The following COLQ variants were observed in gnomAD, a reference collection of about 807,000 sequenced individuals.
COLQ encodes the protein collagen like tail subunit of asymmetric acetylcholinesterase.
In COLQ, 48 loss-of-function variants were observed where a neutral mutation model predicts 69.0. That is an observed-to-expected ratio of 0.70 (90% confidence interval 0.55 to 0.88). The LOEUF (loss-of-function observed/expected upper bound fraction) is 0.88. Among genes scored for constraint, COLQ ranks in the 40% least tolerant of loss-of-function variants. The probability of loss-of-function intolerance (pLI) is 0.00; values close to 1 mark genes in which losing one functional copy is unlikely to be tolerated. For synonymous variants in COLQ, 217 were observed against 211.2 expected (o/e 1.03, Z -0.24); for missense variants, 618 against 594.6 (o/e 1.04, Z -0.41).
At chr3:15,472,099 C>T (rs570933008) in intron 10 of COLQ, among the ~76,000 whole-genome samples, 1 of 152,016 alleles carries the variant, frequency 6.6e-6, no homozygotes, top group Non-Finnish European at 1.5e-5. Flanking sequence ...TCAGCTCTGT[C>T]TTAAAACAGC....
At chr3:15,477,438 T>C in intron 5 of COLQ, 1 of 528,644 alleles carries the variant, frequency 1.9e-6, no homozygotes, top group Non-Finnish European at 3.4e-6. Flanking sequence ...TCTAAACTTC[T>C]TGGTTTTTTA....
chr3:15,505,175 G>A (rs2062890985), intron 1 of COLQ, among the ~76,000 whole-genome samples: 1 of 152,182 alleles, frequency 6.6e-6, no homozygotes, highest in African/African-American at 2.4e-5. Context: ...GCTGCACAGA[G>A]CTAAGGCACC....
At chr3:15,488,051 G>T (rs903595835) in intron 3 of COLQ, among the ~76,000 whole-genome samples, 155 bp downstream of exon 3, 7 of 152,226 alleles carry the variant, frequency 4.6e-5, no homozygotes, top group Admixed American at 2.0e-4. Context: ...AAGAGTCAGT[G>T]TTCTATCCAA....
intron 12 of COLQ, among the ~76,000 whole-genome samples, chr3:15,463,537 G>C (rs1488995257): frequency 6.6e-6 from 1 of 151,838 alleles, no homozygotes; most frequent in Non-Finnish European, 1.5e-5. Context: ...TAGTAGAGAT[G>C]GGGTTTCACT....
intron 12 of COLQ, among the ~76,000 whole-genome samples, chr3:15,463,738 T>TTGG (rs757759128): frequency 3.3e-5 from 5 of 152,076 alleles, no homozygotes; most frequent in African/African-American, 4.8e-5. Flanking sequence ...GTCTCTGCGG[T>TTGG]TGGTAGCTCA....
Position 15,451,664 on chromosome 3 carries a change from G to T in COLQ, c.1348C>A (p.Pro450Thr), listed in dbSNP as rs2061943968. Residue 450 changes from proline (P) to threonine (T), a missense_variant, in exon 17 of 17, where the codon CCC becomes ACC. Pro to Thr is a conservative substitution (Grantham distance 38). Transcript: ENST00000383788. ...CTQYCYIDSTPCRYFT is the reference protein window; with the variant it reads ...CTQYCYIDSTTCRYFT ...GGCCCTCAGGTGAAGTAGCGGCAGG[G>T]CGTGGAGTCGATGTAGCAGTACTGG... 2 of 1,614,236 alleles carry T rather than the reference G, an allele frequency of 1.2e-6. No individual in the cohort carries two copies. The highest frequency in any genetic ancestry group is 1.7e-6 in the Non-Finnish European group (2 of 1,180,036).
chr3:15,465,327 C>T (rs868364533), intron 12 of COLQ, among the ~76,000 whole-genome samples: 6 of 147,468 alleles, frequency 4.1e-5, no homozygotes, highest in South Asian at 4.2e-4. Context: ...AGTGCAGTTG[C>T]GCGATCTCGA....
chr3:15,464,175 A>C (rs76691741), intron 12 of COLQ, among the ~76,000 whole-genome samples: 2,785 of 152,264 alleles, frequency 0.018, 75 homozygotes, highest in African/African-American at 0.062. Context: ...CTCCCTAGAC[A>C]TGGACAGGAG....
chr3:15,468,082 G>A (rs1238176799), intron 11 of COLQ, among the ~76,000 whole-genome samples: 2 of 152,164 alleles, frequency 1.3e-5, no homozygotes, highest in Non-Finnish European at 2.9e-5. Flanking sequence ...TTTTTCTAAC[G>A]GCCATGTCAG....
intron 1 of COLQ, among the ~76,000 whole-genome samples, chr3:15,493,614 C>T (rs569073432): frequency 2.6e-5 from 4 of 152,256 alleles, no homozygotes; most frequent in Admixed American, 6.5e-5. Context: ...CAAATAGCCA[C>T]CACAGGGAAT....
intron 1 of COLQ, among the ~76,000 whole-genome samples, chr3:15,508,445 T>C (rs1382591393): frequency 6.6e-6 from 1 of 152,234 alleles, no homozygotes; most frequent in Non-Finnish European, 1.5e-5. Context: ...CCTGTCTTGA[T>C]TGCTTTGCTC....
chr3:15,470,736 C>A, intron 10 of COLQ, 120 bp from the exon 11 acceptor site: 1 of 923,258 alleles, frequency 1.1e-6, no homozygotes, highest in Non-Finnish European at 1.8e-6. Context: ...GAATCTATGC[C>A]AACTGGGCTG....
rs1292597737 is a variant in COLQ at position 15,474,852 on chromosome 3, C to A, written c.555+73G>T. On this transcript the variant is annotated intron_variant, in intron 8 of 16. Transcript: ENST00000383788. ...GACTAAAGAGAGACCTGGACCCATTCTCTGCATGTCTCTGATTCCAGAGCC... is the reference window on the plus strand; with the variant it reads ...GACTAAAGAGAGACCTGGACCCATTATCTGCATGTCTCTGATTCCAGAGCC... 5 of 1,548,536 alleles carry A rather than the reference C, an allele frequency of 3.2e-6. No homozygotes were observed. In the Admixed American group the frequency reaches 8.3e-5, roughly 26 times the overall value.
rs886058097 is a variant in COLQ, at chr3:15,451,387, C to T, written c.*257G>A. 10 of 637,300 alleles carry T rather than the reference C, an allele frequency of 1.6e-5. No individual in the cohort carries two copies. Among genetic ancestry groups the T allele is most frequent in the Admixed American group, 4.8e-5 (2 of 41,940 alleles). The allele number at this position is 637,300 out of a possible 1,614,324, so 39.5% of individuals were successfully genotyped here. ...AGAGCATTGTAGCCGGTTGTTTGGC[C>T]AAATGGTAGCGATGGGGAACAGGTC... On this transcript the variant is annotated 3_prime_UTR_variant, in exon 17 of 17. Coordinates refer to ENST00000383788, the MANE Select transcript of COLQ (RefSeq NM_005677.4).
Position 15,473,865 on chromosome 3 carries a change from G to A in COLQ, c.636+135C>T, listed in dbSNP as rs377742019. 7.5e-5 allele frequency: 75 copies of A among 1,001,828 alleles called. 1 individual carries two copies. The highest frequency in any genetic ancestry group is 4.3e-4 in the Middle Eastern group (2 of 4,658). The allele number at this position is 1,001,828 out of a possible 1,614,324, so 62.1% of individuals were successfully genotyped here. ...CAGGGTGAAAAGCAACTTGCTTCCC[G>A]TCCCAAAATAGAAGTTTCCATGGTT... On this transcript the variant is annotated intron_variant, in intron 10 of 16. Transcript: ENST00000383788. This position sits in a 1 kb window ranked among gnomAD's most constrained non-coding sequence, Gnocchi z 4.0.
At chr3:15,520,507 G>T (rs2063121845) in intron 1 of COLQ, among the ~76,000 whole-genome samples, 1 of 152,164 alleles carries the variant, frequency 6.6e-6, no homozygotes, top group Non-Finnish European at 1.5e-5. Context: ...TGTGTTTCCA[G>T]CAAAGGCAGC....
intron 15 of COLQ, among the ~76,000 whole-genome samples, chr3:15,455,684 C>T (rs1225951276): frequency 2.0e-5 from 3 of 152,168 alleles, no homozygotes; most frequent in African/African-American, 4.8e-5. Context: ...CCTTGACATC[C>T]GCCCCTGGTG....
chr3:15,453,366 T>C (rs550780225), intron 16 of COLQ, among the ~76,000 whole-genome samples: 1 of 152,308 alleles, frequency 6.6e-6, no homozygotes, highest in South Asian at 2.1e-4. Context: ...TTGATCTCAC[T>C]TGCAGTCACA....
chr3:15,480,501 G>A (rs1447422692), intron 3 of COLQ, among the ~76,000 whole-genome samples: 2 of 152,178 alleles, frequency 1.3e-5, no homozygotes, highest in South Asian at 2.1e-4. Flanking sequence ...TCCCTACAAA[G>A]GACATAAACT....
Sources: gnomAD v4.1 joint callset for allele counts (sites outside exome capture counted in the v4.1 genomes callset) on GRCh38, gnomAD v4.1.1 for gene constraint, Gnocchi (gnomAD v3.1) non-coding constraint, MANE v1.5 for transcripts, NCBI Gene and HGNC (gene_info 2026-07-23, HGNC 2026-07-21) for gene names.